LARS1: variants seen among roughly 807,000 people sequenced by gnomAD.
The protein encoded by LARS1 is leucine--tRNA ligase, cytoplasmic.
A neutral mutation model predicts 162.8 loss-of-function variants in LARS1; 100 were observed. That is an observed-to-expected ratio of 0.61 (90% CI 0.52 to 0.73). The LOEUF (loss-of-function observed/expected upper bound fraction) is 0.73. Among genes scored for constraint, LARS1 ranks in the 30% least tolerant of loss-of-function variants. LARS1 has a pLI of 0.00. For synonymous variants in LARS1, 457 were observed against 462.8 expected (o/e 0.99, Z 0.16); for missense variants, 1,258 against 1,408.9 (o/e 0.89, Z 1.71).
chr5:146,115,040 C>CGG (rs199997204), intron 31 of LARS1, among the ~76,000 whole-genome samples: 292 of 90,060 alleles, frequency 3.2e-3, no homozygotes, highest in Admixed American at 5.9e-3. Flanking sequence ...AAGATTCTGT[C>CGG]GGGGGGAAAA....
At chr5:146,168,413 G>A (rs1222368573) in intron 4 of LARS1, 148 bp from the exon 5 acceptor site, 15 of 758,462 alleles carry the variant, frequency 2.0e-5, no homozygotes, top group Non-Finnish European at 2.2e-5. Context: ...AAACTGAAAC[G>A]GAGGCTGGGA....
At chr5:146,144,158 T>G in intron 18 of LARS1, 109 bp downstream of exon 18, 1 of 783,076 alleles carries the variant, frequency 1.3e-6, no homozygotes. Context: ...AACTTACTGC[T>G]TTCAATTCAG....
chr5:146,171,967 C>T lies in LARS1; in HGVS notation c.237G>A (p.Leu79=). The T allele has an allele frequency of 6.2e-7, 1 of 1,613,820 alleles. No individual in the cohort carries two copies. The highest frequency in any genetic ancestry group is 8.5e-7 in the Non-Finnish European group (1 of 1,179,796). Residue 79 remains leucine, a synonymous_variant, in exon 4 of 32, where the codon TTG becomes TTA. Transcript: ENST00000394434. ...KCEFAVGYQR[L]KGKCCLFPFG... ...AGGGAAACAGACAACATTTTCCTTT[C>T]AATCGCTGGTACCCTACAGCAAACT...
intron 19 of LARS1, 41 bp downstream of exon 19, chr5:146,143,371 T>A: frequency 1.9e-6 from 3 of 1,574,176 alleles, no homozygotes; most frequent in Non-Finnish European, 2.6e-6. Flanking sequence ...TCACAACTCT[T>A]ACTGACAAAT....
rs371852551 is a variant in LARS1, at chr5:146,133,022, C to T, written c.2272G>A (p.Ala758Thr). 5 of 1,614,068 alleles carry T rather than the reference C, an allele frequency of 3.1e-6. No individual in the cohort carries two copies. The highest frequency in any genetic ancestry group is 2.2e-5 in the East Asian group (1 of 44,880). ...CGGAGAATACCTGCATCTGCCATGG[C>T]TTCCACAAAGTTGGCATCTTCTACA... ...DTVEDANFVEAMADAGILRLY... is the reference protein window; with the variant it reads ...DTVEDANFVETMADAGILRLY... Residue 758 changes from alanine (A) to threonine (T), a missense_variant, in exon 23 of 32, where the codon GCC becomes ACC. Ala to Thr is a moderately conservative substitution (Grantham distance 58). Coordinates refer to ENST00000394434, the MANE Select transcript of LARS1 (RefSeq NM_020117.11).
chr5:146,138,728 C>CAAA (rs879232853), intron 21 of LARS1: 21 of 115,220 alleles, frequency 1.8e-4, no homozygotes, highest in Non-Finnish European at 2.7e-4. Context: ...GACTCTGTCT[C>CAAA]AAAAAAAAAA....
In LARS1 at chr5:146,172,062, C is replaced by T. The variant is rs986625853; in HGVS notation, c.214-72G>A. 6.7e-6 allele frequency: 9 copies of T among 1,347,366 alleles called. No homozygotes were observed. The African/African-American group carries it at 1.3e-4, about 20-fold the overall frequency. 83.5% of individuals were successfully genotyped at this position (1,347,366 alleles called of 1,614,324 possible). A position where few individuals can be genotyped will look rare whatever the true frequency, so the allele number is the denominator to read the frequency against. On this transcript the variant is annotated intron_variant, in intron 3 of 31. Coordinates refer to ENST00000394434, the MANE Select transcript of LARS1 (RefSeq NM_020117.11). ...AAATACAAAATGTGAACTTTTCACA[C>T]AAAAAAATTAGTTTTCTTCTTTACA...
intron 15 of LARS1, among the ~76,000 whole-genome samples, chr5:146,147,295 T>G (rs538373131): frequency 6.6e-6 from 1 of 152,112 alleles, no homozygotes; most frequent in East Asian, 1.9e-4. Flanking sequence ...CAGCCAGGCA[T>G]GGAGGCACAT....
chr5:146,163,146 TC>T, intron 6 of LARS1, among the ~76,000 whole-genome samples: 1 of 152,210 alleles, frequency 6.6e-6, no homozygotes, highest in East Asian at 1.9e-4. Flanking sequence ...ATGGCTTCTT[TC>T]CTTAAACCTT....
At chr5:146,125,787 G>A (rs1019723269) in intron 28 of LARS1, among the ~76,000 whole-genome samples, 1 of 151,884 alleles carries the variant, frequency 6.6e-6, no homozygotes, top group Non-Finnish European at 1.5e-5. Flanking sequence ...ATACATCAGC[G>A]ACGTATATGA....
Position 146,164,370 on chromosome 5 carries a change from T to G in LARS1, c.534A>C (p.Glu178Asp), listed in dbSNP as rs934998413. The G allele has an allele frequency of 6.2e-7, 1 of 1,614,030 alleles. No homozygotes were observed. The highest frequency in any genetic ancestry group is 8.5e-7 in the Non-Finnish European group (1 of 1,179,996). The change falls in exon 6 of 32, where the codon GAA becomes GAC. Residue 178 changes from glutamate (E) to aspartate (D), a missense_variant. Coordinates refer to ENST00000394434, the MANE Select transcript of LARS1 (RefSeq NM_020117.11). ...GTGGCGGGAAATAATCAAGCCAATG[T>G]TCTGCTTCAGAAAATTTTACTATCT... Reference protein sequence around the residue: ...DEEIVKFSEAEHWLDYFPPLA... With the variant: ...DEEIVKFSEADHWLDYFPPLA...
chr5:146,152,504 G>A (rs1753342562), intron 13 of LARS1, among the ~76,000 whole-genome samples: 1 of 152,100 alleles, frequency 6.6e-6, no homozygotes, highest in South Asian at 2.1e-4. Flanking sequence ...ACTGTGCATG[G>A]AGGGATCTAG....
At chr5:146,167,999 T>C (rs1193287752) in intron 5 of LARS1, 129 bp downstream of exon 5, 5 of 776,030 alleles carry the variant, frequency 6.4e-6, no homozygotes, top group Non-Finnish European at 9.6e-6. Flanking sequence ...GATAATTTTT[T>C]GCTTTGATAC....
intron 13 of LARS1, among the ~76,000 whole-genome samples, chr5:146,152,960 G>A (rs1753359490): frequency 1.3e-5 from 2 of 152,202 alleles, no homozygotes; most frequent in South Asian, 4.1e-4. Flanking sequence ...ATTTGTTCCA[G>A]AACTGCAGGT....
At chr5:146,167,978 C>G in intron 5 of LARS1, 150 bp downstream of exon 5, 2 of 619,824 alleles carry the variant, frequency 3.2e-6, no homozygotes, top group Non-Finnish European at 5.0e-6. Flanking sequence ...GCCACCGCGC[C>G]TGGCCAGAAA....
intron 29 of LARS1, among the ~76,000 whole-genome samples, chr5:146,123,240 T>C (rs1751903379): frequency 6.6e-6 from 1 of 151,996 alleles, no homozygotes; most frequent in African/African-American, 2.4e-5. Context: ...AGTGTCTTCA[T>C]TATTACTAGG....
intron 3 of LARS1, 87 bp downstream of exon 3, chr5:146,172,600 T>C (rs1754330419): frequency 1.6e-6 from 1 of 622,514 alleles, no homozygotes; most frequent in Admixed American, 3.6e-5. Flanking sequence ...TAACAGGAAA[T>C]AATAAATTCT....
At chr5:146,159,681 T>C (rs1753691515) in intron 7 of LARS1, among the ~76,000 whole-genome samples, 1 of 152,072 alleles carries the variant, frequency 6.6e-6, no homozygotes, top group African/African-American at 2.4e-5. Context: ...GTAATACCAC[T>C]GAAAAATACA....
intron 2 of LARS1, among the ~76,000 whole-genome samples, chr5:146,175,723 G>A (rs1465666732): frequency 1.3e-5 from 2 of 150,756 alleles, no homozygotes; most frequent in Non-Finnish European, 3.0e-5. Context: ...AGCTACTCAG[G>A]AGGCTGAAGC....
Sources: gnomAD v4.1 joint callset for allele counts (sites outside exome capture counted in the v4.1 genomes callset) on GRCh38, gnomAD v4.1.1 for gene constraint, MANE v1.5 for transcripts, NCBI Gene and HGNC (gene_info 2026-07-23, HGNC 2026-07-21) for gene names.